Variants in CADM2 observed in about 807,000 individuals in gnomAD.
The protein encoded by CADM2 is immunoglobulin superfamily member 4D.
A neutral mutation model predicts 49.8 loss-of-function variants in CADM2; 12 were observed. The observed-to-expected ratio is 0.24, with a 90% CI of 0.15 to 0.39. The LOEUF (loss-of-function observed/expected upper bound fraction) is 0.39, where lower values mean the gene tolerates loss of function less well. Among genes scored for constraint, CADM2 ranks in the 10% least tolerant of loss-of-function variants. CADM2 has a pLI of 1.00. For synonymous variants in CADM2, 214 were observed against 175.4 expected, an observed-to-expected ratio of 1.22 and a Z score of -1.74; for missense variants, 378 against 492.3, an observed-to-expected ratio of 0.77 and a Z score of 2.20.
intron 1 of CADM2, among the ~76,000 whole-genome samples, chr3:85,159,537 C>T (rs924018171): frequency 6.6e-6 from 1 of 152,158 alleles, no homozygotes; most frequent in Admixed American, 6.6e-5. Context: ...TGAGACAATA[C>T]TTTAAATGGA....
At chr3:85,643,321 T>C (rs1406941676) in intron 1 of CADM2, among the ~76,000 whole-genome samples, 1 of 152,176 alleles carries the variant, frequency 6.6e-6, no homozygotes, top group East Asian at 1.9e-4. Flanking sequence ...TCCTAGAAAA[T>C]ATTTTTTATT....
intron 1 of CADM2, among the ~76,000 whole-genome samples, chr3:85,059,318 TAA>T (rs200486059): frequency 5.5e-5 from 8 of 144,354 alleles, no homozygotes; most frequent in African/African-American, 1.8e-4. Flanking sequence ...AATAAAAAAA[TAA>T]AAAAAAAAAC....
intron 1 of CADM2, among the ~76,000 whole-genome samples, chr3:85,096,891 AG>A (rs374981593): frequency 3.2e-3 from 483 of 152,252 alleles, no homozygotes; most frequent in African/African-American, 0.011. Context: ...TGGACTGTCA[AG>A]TTATTTTTTT....
At chr3:85,107,866 A>AT (rs2038305758) in intron 1 of CADM2, among the ~76,000 whole-genome samples, 2 of 151,054 alleles carry the variant, frequency 1.3e-5, no homozygotes, top group South Asian at 4.2e-4. Context: ...CACCCAGCTA[A>AT]TTTTTTGTAT....
At chr3:85,176,512 T>C (rs547037992) in intron 1 of CADM2, among the ~76,000 whole-genome samples, 18 of 152,292 alleles carry the variant, frequency 1.2e-4, no homozygotes, top group Middle Eastern at 3.4e-3. Context: ...CAGTTTGCTT[T>C]GGGGTTTTAT....
intron 2 of CADM2, among the ~76,000 whole-genome samples, chr3:85,763,251 T>C (rs1238230784): frequency 6.6e-6 from 1 of 152,166 alleles, no homozygotes; most frequent in Non-Finnish European, 1.5e-5. Context: ...CAGGAAGGGA[T>C]TCCAACTATG....
chr3:85,250,275 A>T (rs530137306), intron 1 of CADM2, among the ~76,000 whole-genome samples: 1 of 151,702 alleles, frequency 6.6e-6, no homozygotes, highest in Admixed American at 6.6e-5. Context: ...TTTGTATTAT[A>T]AGAAACTCTT....
chr3:85,908,891 A>AT (rs1289989995), intron 5 of CADM2, among the ~76,000 whole-genome samples: 1 of 151,692 alleles, frequency 6.6e-6, no homozygotes, highest in Admixed American at 6.6e-5. Flanking sequence ...GGCCCAGCTA[A>AT]TTTTTTGTAT....
At chr3:85,313,189 C>T (rs1288400445) in intron 1 of CADM2, among the ~76,000 whole-genome samples, 1 of 152,138 alleles carries the variant, frequency 6.6e-6, no homozygotes, top group Non-Finnish European at 1.5e-5. Context: ...AGGGAAGCTT[C>T]TAATACTTCT....
intron 1 of CADM2, among the ~76,000 whole-genome samples, chr3:85,598,103 C>T (rs1032689433): frequency 5.3e-5 from 8 of 151,818 alleles, no homozygotes; most frequent in East Asian, 3.9e-4. Flanking sequence ...GACTTCAGAC[C>T]GACACGGTGG....
chr3:85,842,084 T>C (rs61490101), intron 3 of CADM2, among the ~76,000 whole-genome samples: 7,699 of 152,202 alleles, frequency 0.051, 553 homozygotes, highest in African/African-American at 0.16. Flanking sequence ...TTTCCAATCC[T>C]GCGGCTGCTG....
intron 1 of CADM2, among the ~76,000 whole-genome samples, chr3:84,963,226 G>A (rs982166610): frequency 5.9e-5 from 9 of 152,076 alleles, no homozygotes; most frequent in Non-Finnish European, 1.2e-4. Context: ...AAGCGCAAGG[G>A]ACACATTACA....
chr3:85,615,055 T>C (rs1056207370), intron 1 of CADM2, among the ~76,000 whole-genome samples: 2 of 152,018 alleles, frequency 1.3e-5, no homozygotes, highest in Non-Finnish European at 2.9e-5. Context: ...TAAAACTGAA[T>C]GTGCATGTGT....
At chr3:85,838,086 C>G (rs1247664005) in intron 3 of CADM2, among the ~76,000 whole-genome samples, 1 of 151,736 alleles carries the variant, frequency 6.6e-6, no homozygotes, top group East Asian at 1.9e-4. Context: ...ATCACTTCAT[C>G]TATACATACT....
intron 1 of CADM2, among the ~76,000 whole-genome samples, chr3:85,524,359 C>G (rs1559885774): frequency 6.6e-6 from 1 of 152,008 alleles, no homozygotes; most frequent in Admixed American, 6.6e-5. Flanking sequence ...TGCTATAACT[C>G]CATTCCTAAG....
At chr3:85,902,758 T>C (rs1357061517) in intron 5 of CADM2, among the ~76,000 whole-genome samples, 1 of 151,626 alleles carries the variant, frequency 6.6e-6, no homozygotes, top group Non-Finnish European at 1.5e-5. Flanking sequence ...ATATCATATA[T>C]ATTAACTTAT....
chr3:85,955,115 A>C (rs1723893800), intron 7 of CADM2, among the ~76,000 whole-genome samples: 1 of 151,452 alleles, frequency 6.6e-6, no homozygotes, highest in Admixed American at 6.6e-5. Flanking sequence ...AGTATAAGAT[A>C]TAAATATTTG....
intron 1 of CADM2, among the ~76,000 whole-genome samples, chr3:85,618,988 C>T (rs189397119): frequency 1.3e-5 from 2 of 151,836 alleles, no homozygotes; most frequent in East Asian, 3.9e-4. Flanking sequence ...TTGCAGGGAG[C>T]TGAGATCGGC....
intron 1 of CADM2, among the ~76,000 whole-genome samples, chr3:85,302,048 T>C (rs1037969775): frequency 6.6e-6 from 1 of 152,080 alleles, no homozygotes; most frequent in Non-Finnish European, 1.5e-5. Context: ...GATATCAGAC[T>C]GAACAGTGTA....
Sources: allele counts gnomAD v4.1 joint callset (sites outside exome capture counted in the v4.1 genomes callset), GRCh38; gene constraint gnomAD v4.1.1; transcripts MANE v1.5; gene names NCBI Gene and HGNC (gene_info 2026-07-23, HGNC 2026-07-21).